CDKL3: variants seen among roughly 807,000 people sequenced by gnomAD.
CDKL3 encodes cyclin dependent kinase like 3.
Under a neutral mutation model 69.3 loss-of-function variants are expected in CDKL3, and 65 were observed. The ratio of observed to expected loss-of-function variants is 0.94; its 90% confidence interval spans 0.77 to 1.15. The LOEUF (loss-of-function observed/expected upper bound fraction) is 1.15, where lower values mean the gene tolerates loss of function less well. Among genes scored for constraint, CDKL3 ranks in the 50% most tolerant of loss-of-function variants. CDKL3 has a pLI of 0.00. For missense variants in CDKL3, 652 were observed against 689.2 expected (o/e 0.95, Z 0.61); for synonymous variants, 202 against 221.6 (o/e 0.91, Z 0.79).
upstream of CDKL3, chr5:134,371,454 G>A (rs1019462183): frequency 2.8e-6 from 3 of 1,080,104 alleles, no homozygotes; most frequent in Non-Finnish European, 4.0e-6. Flanking sequence ...AGACGTCATT[G>A]CAGGGTTGTT....
chr5:134,321,919 G>GAAA lies in CDKL3; in HGVS notation c.540-19_540-17dup. 1.6e-6 allele frequency: 2 copies of GAAA among 1,222,268 alleles called. No homozygotes were observed. The highest frequency in any genetic ancestry group is 2.3e-6 in the Non-Finnish European group (2 of 851,332). 75.7% of individuals were successfully genotyped at this position (1,222,268 alleles called of 1,614,324 possible). A position where few individuals can be genotyped will look rare whatever the true frequency, so the allele number is the denominator to read the frequency against. ...ATCCACAGGTCTGAAACAGATCAGG[G>GAAA]AAAAAAAAATCACTTTTTCATGTAG... On this transcript the variant is annotated splice_polypyrimidine_tract_variant and intron_variant, in intron 4 of 12. Transcript: ENST00000265334.
chr5:134,306,641 T>G lies in CDKL3; in HGVS notation c.1426A>C (p.Asn476His). 1 of 1,591,556 alleles carries G rather than the reference T, an allele frequency of 6.3e-7. No individual in the cohort carries two copies. Among genetic ancestry groups the G allele is most frequent in the Non-Finnish European group, 8.5e-7 (1 of 1,172,670 alleles). Residue 476 changes from asparagine (N) to histidine (H), a missense_variant, in exon 10 of 13, where the codon AAT becomes CAT. Coordinates refer to ENST00000265334, the MANE Select transcript of CDKL3 (RefSeq NM_001113575.2). Reference sequence around the variant, plus strand: ...GGACCTGGATCCTCTTGCCTGCTATTAGGCATAACTTGTCCAATAGATTGT... The same window carrying G: ...GGACCTGGATCCTCTTGCCTGCTATGAGGCATAACTTGTCCAATAGATTGT... ...SSQSIGQVMP[N>H]SRQEDPGPIQ...
chr5:134,371,500 G>GCGGCGGCGA (rs1554113387), upstream of CDKL3: 34 of 1,490,584 alleles, frequency 2.3e-5, no homozygotes, highest in Non-Finnish European at 3.6e-6. Flanking sequence ...GGCGGCGGCG[G>GCGGCGGCGA]CGGCGATCCA....
At chr5:134,305,165 A>T (rs748366811) in intron 10 of CDKL3, among the ~76,000 whole-genome samples, 2 of 151,924 alleles carry the variant, frequency 1.3e-5, no homozygotes, top group Non-Finnish European at 2.9e-5. Context: ...GTCCAGGCTG[A>T]AATACAGTGG....
chr5:134,321,719 G>A, intron 5 of CDKL3, 72 bp downstream of exon 5: 1 of 828,954 alleles, frequency 1.2e-6, no homozygotes, highest in South Asian at 1.7e-5. Flanking sequence ...AGCTAAATTT[G>A]AAAATCAAGC....
intron 4 of CDKL3, among the ~76,000 whole-genome samples, chr5:134,323,234 A>T (rs1211166068): frequency 1.3e-5 from 2 of 152,222 alleles, no homozygotes; most frequent in Non-Finnish European, 1.5e-5. Context: ...TATGTGAGGT[A>T]ACACACATAT....
chr5:134,357,119 T>C (rs907338971), intron 3 of CDKL3, among the ~76,000 whole-genome samples: 3 of 152,166 alleles, frequency 2.0e-5, no homozygotes, highest in Non-Finnish European at 4.4e-5. Context: ...TATTATTTAG[T>C]ATGGGTCTAT....
At chr5:134,290,191 TA>T (rs1290748912) in intron 8 of CDKL3, among the ~76,000 whole-genome samples, 1 of 151,506 alleles carries the variant, frequency 6.6e-6, no homozygotes, top group Non-Finnish European at 1.5e-5. Context: ...CCATCTCTAC[TA>T]AAAATACAAA....
At chr5:134,366,590 AC>A in intron 1 of CDKL3, 46 bp from the exon 2 acceptor site, 2 of 1,209,518 alleles carry the variant, frequency 1.7e-6, no homozygotes, top group South Asian at 1.4e-5. Context: ...AAACGTTTAT[AC>A]TTTTATTTAT....
chr5:134,361,701 C>T (rs1347874000), intron 2 of CDKL3, among the ~76,000 whole-genome samples: 2 of 152,052 alleles, frequency 1.3e-5, no homozygotes, highest in East Asian at 1.9e-4. Context: ...GTCAGGAGTT[C>T]GAGACCAGCC....
At chr5:134,314,538 G>A (rs73289820) in intron 6 of CDKL3, among the ~76,000 whole-genome samples, 22,811 of 152,098 alleles carry the variant, frequency 0.15, 2,165 homozygotes, top group African/African-American at 0.26. Context: ...ATAGCGAAAA[G>A]TGGGAAATAA....
intron 3 of CDKL3, among the ~76,000 whole-genome samples, chr5:134,357,617 G>C (rs1471080092): frequency 3.3e-5 from 5 of 152,040 alleles, no homozygotes; most frequent in Non-Finnish European, 7.4e-5. Context: ...GGGTGACAGA[G>C]AGAGACTCTG....
chr5:134,293,002 CTTTTTTTTTTTTTTTTT>C (rs558156596), intron 8 of CDKL3, among the ~76,000 whole-genome samples: 16 of 43,894 alleles, frequency 3.6e-4, no homozygotes, highest in Admixed American at 9.9e-4. Context: ...CTGCCAATTT[CTTTTTTTTTTTTTTTTT>C]TTTTTTTTTT....
intron 4 of CDKL3, among the ~76,000 whole-genome samples, chr5:134,331,549 G>A (rs1775818639): frequency 6.6e-6 from 1 of 152,116 alleles, no homozygotes; most frequent in South Asian, 2.1e-4. Flanking sequence ...AGAACATGTG[G>A]TGTTTGGTTT....
chr5:134,368,561 G>A (rs1371667322), upstream of CDKL3, among the ~76,000 whole-genome samples: 1 of 139,136 alleles, frequency 7.2e-6, no homozygotes, highest in Non-Finnish European at 1.5e-5. Context: ...GGAGCTTGCA[G>A]TGAGCGGAGA....
At chr5:134,371,541 G>C (rs575550321), upstream of CDKL3, 4,126 of 1,594,118 alleles carry the variant, frequency 2.6e-3, 8 homozygotes, top group Non-Finnish European at 3.2e-3. Flanking sequence ...CGGGGGGTGG[G>C]GGGGCTGCGC....
chr5:134,304,483 A>C lies in CDKL3; in HGVS notation c.1543T>G (p.Ser515Ala), dbSNP rs1159377990. 6.2e-7 allele frequency: 1 copy of C among 1,612,866 alleles called. No individual in the cohort carries two copies. The highest frequency in any genetic ancestry group is 8.5e-7 in the Non-Finnish European group (1 of 1,179,432). ...TGGAATTCTTTCCTGTCAGATCTGG[A>C]AAAATTCAGCTTCCTTTTGTTCTCA... The part of the protein sequence containing the change: ...ANENKRKLNF[S>A]RSDRKEFHFP... Residue 515 changes from serine to alanine, a missense_variant, in exon 11 of 13, where the codon TCC becomes GCC. Transcript: ENST00000265334.
chr5:134,305,289 A>AT (rs1335974703), intron 10 of CDKL3, among the ~76,000 whole-genome samples: 11 of 151,744 alleles, frequency 7.2e-5, no homozygotes, highest in Non-Finnish European at 4.4e-5. Flanking sequence ...ATTTTATTTC[A>AT]TTTTTTGTAC....
chr5:134,355,981 G>A (rs77070033), intron 3 of CDKL3, among the ~76,000 whole-genome samples: 6,564 of 152,268 alleles, frequency 0.043, 215 homozygotes, highest in Admixed American at 0.1. Flanking sequence ...GGACCAGGCT[G>A]GGGGATGGTT....
Sources: gnomAD v4.1 joint callset for allele counts (sites outside exome capture counted in the v4.1 genomes callset) on GRCh38, gnomAD v4.1.1 for gene constraint, MANE v1.5 for transcripts, NCBI Gene and HGNC (gene_info 2026-07-23, HGNC 2026-07-21) for gene names.